Variants in HYDIN observed in about 807,000 individuals in gnomAD.
The protein encoded by HYDIN is axonemal central pair apparatus protein HYDIN.
In HYDIN, 132 loss-of-function variants were observed where a neutral mutation model predicts 403.9. The observed-to-expected ratio is 0.33, with a 90% confidence interval of 0.28 to 0.38. HYDIN has a LOEUF of 0.38. Among genes scored for constraint, HYDIN ranks in the 10% least tolerant of loss-of-function variants. The pLI is 1.00. For missense variants in HYDIN, 2,827 were observed against 5,009.5 expected (o/e 0.56, Z 13.15); for synonymous variants, 1,202 against 1,891.7 (o/e 0.64, Z 9.46).
Position 71,042,504 on chromosome 16 carries a change from A to G in HYDIN, c.2530-10587T>C, listed in dbSNP as rs1352179567. On this transcript the variant is annotated intron_variant, in intron 18 of 85. Transcript: ENST00000393567. ...TCACTTTCTTCTCTTCATCCTCCCA[A>G]TATAGTTAACATTTACTTTTTGGTG... is the stretch of plus-strand genomic sequence containing the variant. Among the ~76,000 whole-genome samples, 2 of 152,078 alleles carry G rather than the reference A, an allele frequency of 1.3e-5. 1 individual carries two copies. Among genetic ancestry groups the G allele is most frequent in the East Asian group, 3.9e-4 (2 of 5,188 alleles).
At chr16:71,152,258 T>C (rs969051338) in intron 7 of HYDIN, among the ~76,000 whole-genome samples, 1 of 152,026 alleles carries the variant, frequency 6.6e-6, no homozygotes, top group African/African-American at 2.4e-5. Flanking sequence ...TTGTGGATCT[T>C]AGCTTACTCG....
At chr16:70,915,058 G>C (rs1202464633) in intron 47 of HYDIN, among the ~76,000 whole-genome samples, 1 of 150,866 alleles carries the variant, frequency 6.6e-6, no homozygotes, top group Non-Finnish European at 1.5e-5. Context: ...TCATTTTTTG[G>C]ATTTTCTGGA....
At chr16:71,065,008 G>A (rs1351536809) in intron 15 of HYDIN, among the ~76,000 whole-genome samples, 168 bp from the exon 16 acceptor site, 1 of 152,082 alleles carries the variant, frequency 6.6e-6, no homozygotes, top group South Asian at 2.1e-4. Context: ...CTGTCTCTTG[G>A]CCCCCAGTCA....
At chr16:71,077,690 G>A (rs904811553) in intron 13 of HYDIN, among the ~76,000 whole-genome samples, 2 of 151,628 alleles carry the variant, frequency 1.3e-5, no homozygotes, top group African/African-American at 4.8e-5. Context: ...CTCTGAAAAT[G>A]AATCAGAATG....
chr16:70,900,914 CTGTG>C (rs58190033), intron 53 of HYDIN, 86 bp downstream of exon 53: 16,264 of 373,380 alleles, frequency 0.044, 42 homozygotes, highest in Admixed American at 0.063. Context: ...AGGGAGACCT[CTGTG>C]TGTGTGTGTG....
Position 70,837,011 on chromosome 16 carries a change from T to C in HYDIN, c.13242+679A>G, listed in dbSNP as rs1597084588. 2.6e-5 allele frequency among the ~76,000 whole-genome samples: 4 copies of C among 152,390 alleles called. No homozygotes were observed. In the East Asian group the frequency reaches 7.7e-4, roughly 29 times the overall value. On this transcript the variant is annotated intron_variant, in intron 77 of 85. Coordinates refer to ENST00000393567, the MANE Select transcript of HYDIN (RefSeq NM_001270974.2). ...TACACCCCTCCCCTGGTTGCCGAAA[T>C]ATGCTATGCATTCCTGAAAGTCTTG...
At chr16:71,116,643 A>G (rs1467818740) in intron 9 of HYDIN, among the ~76,000 whole-genome samples, 1 of 152,148 alleles carries the variant, frequency 6.6e-6, no homozygotes, top group Non-Finnish European at 1.5e-5. Flanking sequence ...CTACAGTCCC[A>G]CCAACAGTGT....
intron 23 of HYDIN, among the ~76,000 whole-genome samples, chr16:71,007,393 C>T (rs1414699678): frequency 6.6e-6 from 1 of 151,920 alleles, no homozygotes; most frequent in African/African-American, 2.4e-5. Flanking sequence ...AGAGAAGGTT[C>T]GTTTAAATAT....
intron 4 of HYDIN, among the ~76,000 whole-genome samples, chr16:71,177,267 G>A (rs1182158677): frequency 3.3e-5 from 5 of 152,192 alleles, no homozygotes; most frequent in South Asian, 2.1e-4. Context: ...GCTTTGGACT[G>A]TACCACTTTA....
intron 41 of HYDIN, among the ~76,000 whole-genome samples, chr16:70,949,417 C>A (rs1184185665): frequency 1.3e-5 from 2 of 151,524 alleles, no homozygotes; most frequent in Non-Finnish European, 2.9e-5. Context: ...ATGTAACTAA[C>A]CTGCACATTG....
chr16:71,165,584 G>C (rs2086185841), intron 5 of HYDIN, among the ~76,000 whole-genome samples: 2 of 151,400 alleles, frequency 1.3e-5, no homozygotes, highest in African/African-American at 4.9e-5. Context: ...TGTATACCCA[G>C]TACCTAGAAC....
At chr16:70,861,517 C>T (rs1218858029) in intron 69 of HYDIN, among the ~76,000 whole-genome samples, 1 of 150,240 alleles carries the variant, frequency 6.7e-6, no homozygotes, top group Non-Finnish European at 1.5e-5. Flanking sequence ...TTTTCTCTCA[C>T]TGCTGTGTAC....
chr16:70,846,021 T>A (rs2143562789), intron 75 of HYDIN, among the ~76,000 whole-genome samples: 1 of 150,130 alleles, frequency 6.7e-6, no homozygotes, highest in South Asian at 2.1e-4. Flanking sequence ...TTTTGAAGGG[T>A]TTTTTGTGTC....
chr16:71,063,621 C>T (rs1288075927), intron 16 of HYDIN, among the ~76,000 whole-genome samples: 1 of 152,170 alleles, frequency 6.6e-6, no homozygotes, highest in Non-Finnish European at 1.5e-5. Context: ...GAGTGTTAGA[C>T]CTTGTCTCCT....
intron 45 of HYDIN, among the ~76,000 whole-genome samples, chr16:70,922,785 C>CTTTTT (rs77860153): frequency 1.8e-5 from 2 of 110,190 alleles, no homozygotes; most frequent in African/African-American, 3.4e-5. Context: ...CTTTTATAAC[C>CTTTTT]TTTTTTTTTT....
At chr16:70,885,646 A>G (rs1174923586) in intron 58 of HYDIN, among the ~76,000 whole-genome samples, 3 of 151,806 alleles carry the variant, frequency 2.0e-5, no homozygotes, top group African/African-American at 7.3e-5. Flanking sequence ...TAAGTTGCCA[A>G]TGTAGAGGAG....
At chr16:70,875,828 T>C (rs1012808692) in intron 62 of HYDIN, among the ~76,000 whole-genome samples, 4 of 152,044 alleles carry the variant, frequency 2.6e-5, no homozygotes, top group Admixed American at 6.6e-5. Flanking sequence ...TAAAGCTTAT[T>C]TGAGAGATTA....
At chr16:70,843,402 A>G (rs1003335613) in intron 75 of HYDIN, among the ~76,000 whole-genome samples, 4 of 130,330 alleles carry the variant, frequency 3.1e-5, no homozygotes, top group Admixed American at 7.5e-5. Context: ...ATAGTATTCC[A>G]TGGTGTATAT....
At chr16:70,859,435 T>C (rs2795810) in intron 71 of HYDIN, among the ~76,000 whole-genome samples, 2 of 152,364 alleles carry the variant, frequency 1.3e-5, no homozygotes, top group East Asian at 1.9e-4. Flanking sequence ...CCTGGTACCC[T>C]GTATTACCCA....
Sources: allele counts gnomAD v4.1 joint callset (sites outside exome capture counted in the v4.1 genomes callset), GRCh38; gene constraint gnomAD v4.1.1; transcripts MANE v1.5; gene names NCBI Gene and HGNC (gene_info 2026-07-23, HGNC 2026-07-21).